Variants in CHLSN observed in about 807,000 individuals in gnomAD.
CHLSN encodes the protein cholesin, also known as protein cholesin.
At chr7:1,044,444 C>G in the CHLSN span, 1 of 148,864 alleles carries the variant, frequency 6.7e-6, no homozygotes, top group Admixed American at 6.7e-5. Flanking sequence ...TCCCCGCGGT[C>G]TAGCCGCGAG....
At chr7:987,075 C>G in the CHLSN span, 1 of 1,478,652 alleles carries the variant, frequency 6.8e-7, no homozygotes, top group Non-Finnish European at 9.0e-7. Context: ...GACCCCAGAT[C>G]ATCCCACGAG....
At chr7:1,014,779 A>G in the CHLSN span, among the ~76,000 whole-genome samples, 1 of 152,270 alleles carries the variant, frequency 6.6e-6, no homozygotes, top group Non-Finnish European at 1.5e-5. Context: ...GAAGGGGGCC[A>G]CATTGGCCGC....
chr7:1,054,263 G>C, the CHLSN span, among the ~76,000 whole-genome samples: 7 of 152,358 alleles, frequency 4.6e-5, no homozygotes, highest in South Asian at 1.4e-3. Context: ...AAGGAAAACA[G>C]GTACGGCTCG....
At chr7:1,082,633 T>C in the CHLSN span, among the ~76,000 whole-genome samples, 1 of 152,196 alleles carries the variant, frequency 6.6e-6, no homozygotes, top group Non-Finnish European at 1.5e-5. Context: ...TCCAGAATAG[T>C]GGGCTTCATG....
chr7:1,134,858 CAG>C, the CHLSN span, among the ~76,000 whole-genome samples: 1 of 152,068 alleles, frequency 6.6e-6, no homozygotes, highest in Non-Finnish European at 1.5e-5. Flanking sequence ...GCCTGGGCTA[CAG>C]AGTGAGACTC....
the CHLSN span, among the ~76,000 whole-genome samples, chr7:1,016,175 AGCAGCACACG>A: frequency 1.1e-5 from 1 of 89,000 alleles, no homozygotes; most frequent in Non-Finnish European, 2.1e-5. Flanking sequence ...AGCAGCACAC[AGCAGCACACG>A]CCAGCACACA....
At chr7:1,023,148 C>T in the CHLSN span, 8,061 of 373,912 alleles carry the variant, frequency 0.022, 589 homozygotes, top group African/African-American at 0.16. This position sits in a 1 kb window ranked among gnomAD's most constrained non-coding sequence, Gnocchi z 5.0. Context: ...GTTTTAAACG[C>T]GTGAGGTCTG....
chr7:1,021,009 C>T, the CHLSN span, among the ~76,000 whole-genome samples: 2 of 150,410 alleles, frequency 1.3e-5, no homozygotes, highest in Non-Finnish European at 3.0e-5. Flanking sequence ...AGGCTGGGGA[C>T]CTTCGGGCAG....
the CHLSN span, chr7:987,192 C>T: frequency 1.3e-5 from 20 of 1,553,556 alleles, no homozygotes; most frequent in African/African-American, 6.8e-5. Flanking sequence ...GAGACGACCT[C>T]GGCCACGCTG....
chr7:1,081,295 G>C, the CHLSN span, among the ~76,000 whole-genome samples: 1 of 152,228 alleles, frequency 6.6e-6, no homozygotes, highest in African/African-American at 2.4e-5. Flanking sequence ...GATTTGAGAG[G>C]GCTTCGGGGA....
the CHLSN span, among the ~76,000 whole-genome samples, chr7:1,125,488 G>C: frequency 6.6e-6 from 1 of 152,298 alleles, no homozygotes; most frequent in Non-Finnish European, 1.5e-5. Context: ...AGCCAGCACC[G>C]GGCCCCTGCA....
chr7:1,108,603 T>G, the CHLSN span, among the ~76,000 whole-genome samples: 1 of 152,220 alleles, frequency 6.6e-6, no homozygotes, highest in Non-Finnish European at 1.5e-5. Flanking sequence ...CCAGCTTCCC[T>G]GCCATGTGTC....
the CHLSN span, among the ~76,000 whole-genome samples, chr7:1,100,537 TG>T: frequency 6.6e-6 from 1 of 152,180 alleles, no homozygotes; most frequent in East Asian, 1.9e-4. Flanking sequence ...CGGCGTCAGC[TG>T]GGGAGCCTGG....
At chr7:1,124,219 C>T in the CHLSN span, among the ~76,000 whole-genome samples, 2 of 152,108 alleles carry the variant, frequency 1.3e-5, no homozygotes, top group Non-Finnish European at 2.9e-5. Flanking sequence ...ACAGACACCA[C>T]TCCCTCACTT....
the CHLSN span, chr7:988,628 C>G: frequency 2.5e-5 from 40 of 1,603,348 alleles, no homozygotes; most frequent in Non-Finnish European, 3.2e-5. Flanking sequence ...CTGGACATCC[C>G]CCGCAGGCCG....
At chr7:1,022,270 C>T in the CHLSN span, among the ~76,000 whole-genome samples, 1 of 152,202 alleles carries the variant, frequency 6.6e-6, no homozygotes, top group Non-Finnish European at 1.5e-5. Context: ...TCCTGGACCA[C>T]GAGCTCCTCT....
the CHLSN span, chr7:1,088,148 C>G: frequency 6.6e-6 from 1 of 152,350 alleles, no homozygotes; most frequent in Admixed American, 6.5e-5. This position sits in a 1 kb window ranked among gnomAD's most constrained non-coding sequence, Gnocchi z 4.5. Flanking sequence ...GCCAGCCAGC[C>G]GGGAACCTTC....
chr7:1,053,358 A>AC, the CHLSN span, among the ~76,000 whole-genome samples: 1 of 152,116 alleles, frequency 6.6e-6, no homozygotes, highest in Non-Finnish European at 1.5e-5. Flanking sequence ...GCAGGACAGG[A>AC]CCCCGGCTAA....
At chr7:1,114,448 C>T in the CHLSN span, among the ~76,000 whole-genome samples, 9 of 152,220 alleles carry the variant, frequency 5.9e-5, no homozygotes, top group South Asian at 2.1e-4. Flanking sequence ...TGGTTGGACT[C>T]GATGTTTAGA....
Sources: gnomAD v4.1 joint callset for allele counts (sites outside exome capture counted in the v4.1 genomes callset) on GRCh38, gnomAD v4.1.1 for gene constraint, Gnocchi (gnomAD v3.1) non-coding constraint, MANE v1.5 for transcripts, NCBI Gene and HGNC (gene_info 2026-07-23, HGNC 2026-07-21) for gene names.